The following PXDNL variants were observed in gnomAD, a reference collection of about 807,000 sequenced individuals.
PXDNL encodes the protein probable oxidoreductase PXDNL.
PXDNL carries 145 observed loss-of-function variants against 150.8 expected under a neutral mutation model. That is an observed-to-expected ratio of 0.96 (90% CI 0.84 to 1.10). The LOEUF (loss-of-function observed/expected upper bound fraction) is 1.10, where lower values mean the gene tolerates loss of function less well. PXDNL is among the 50% of genes least tolerant of loss of function. The pLI is 0.00. For missense variants in PXDNL, 2,087 were observed against 1,873.9 expected (o/e 1.11, Z -2.10); for synonymous variants, 757 against 725.7 (o/e 1.04, Z -0.69).
intron 4 of PXDNL, among the ~76,000 whole-genome samples, chr8:51,537,275 G>T (rs1174373616): frequency 6.6e-6 from 1 of 152,126 alleles, no homozygotes; most frequent in Non-Finnish European, 1.5e-5. Context: ...CATGCTGCAG[G>T]CTGGACACCC....
intron 1 of PXDNL, among the ~76,000 whole-genome samples, chr8:51,661,334 A>C (rs1379885962): frequency 6.6e-6 from 1 of 152,182 alleles, no homozygotes; most frequent in African/African-American, 2.4e-5. Context: ...TTAGGGATCA[A>C]CTTGGCTAGG....
intron 2 of PXDNL, among the ~76,000 whole-genome samples, chr8:51,606,956 C>CA (rs1317073349): frequency 6.6e-6 from 1 of 152,146 alleles, no homozygotes; most frequent in Non-Finnish European, 1.5e-5. Context: ...CAGTCTCCTA[C>CA]AAAATCTTTC....
intron 2 of PXDNL, among the ~76,000 whole-genome samples, chr8:51,644,028 T>A (rs1585643813): frequency 6.6e-6 from 1 of 151,276 alleles, no homozygotes; most frequent in African/African-American, 2.4e-5. Flanking sequence ...CACCTGTAGT[T>A]CCAGCTACTG....
intron 1 of PXDNL, among the ~76,000 whole-genome samples, chr8:51,750,923 G>T (rs977975968): frequency 6.6e-6 from 1 of 152,162 alleles, no homozygotes; most frequent in Admixed American, 6.5e-5. Context: ...TTTAGACAAA[G>T]AACTCTTCCC....
rs1811143811 is a variant in PXDNL, at chr8:51,499,750, A to G, written c.401T>C (p.Leu134Pro). 1.9e-6 allele frequency: 3 copies of G among 1,613,436 alleles called. No homozygotes were observed. In the East Asian group the frequency reaches 6.7e-5, roughly 36 times the overall value. ...AAAGGTCTCTGGCTGTAGCATTTCT[A>G]GTTGGTTGAAATGAATATACCTGGA... ...LEHLYIHFNQ[L>P]EMLQPETFGD... The change falls in exon 5 of 23, where the codon CTA becomes CCA. Residue 134 changes from leucine (L) to proline (P), a missense_variant. Physicochemically the swap from Leu to Pro is moderately conservative, Grantham distance 98. Coordinates refer to ENST00000356297, the MANE Select transcript of PXDNL (RefSeq NM_144651.5).
intron 1 of PXDNL, among the ~76,000 whole-genome samples, chr8:51,683,416 T>C (rs111269399): frequency 0.014 from 2,062 of 151,678 alleles, 29 homozygotes; most frequent in South Asian, 0.045. Flanking sequence ...AAAAATCAGA[T>C]TTTTGCTTCT....
chr8:51,561,545 A>G (rs1399891130), intron 3 of PXDNL, among the ~76,000 whole-genome samples: 1 of 151,968 alleles, frequency 6.6e-6, no homozygotes, highest in East Asian at 1.9e-4. Context: ...TTTTTTAAAA[A>G]AACGAAGGAA....
intron 19 of PXDNL, among the ~76,000 whole-genome samples, chr8:51,356,598 A>T (rs1806517914): frequency 6.6e-6 from 1 of 152,126 alleles, no homozygotes. Flanking sequence ...AAGTGATATA[A>T]AATATTAAAT....
intron 3 of PXDNL, among the ~76,000 whole-genome samples, chr8:51,582,163 A>G (rs1246077749): frequency 3.9e-5 from 6 of 152,166 alleles, no homozygotes; most frequent in Non-Finnish European, 1.5e-5. Flanking sequence ...CTTTTATAAA[A>G]TAGAGTTAAT....
chr8:51,372,636 C>T (rs966830643), intron 18 of PXDNL, among the ~76,000 whole-genome samples: 6 of 152,214 alleles, frequency 3.9e-5, no homozygotes, highest in Middle Eastern at 3.2e-3. Flanking sequence ...CTGCCCACCT[C>T]GGCCTCCCAA....
chr8:51,707,145 C>T (rs529164893), intron 1 of PXDNL, among the ~76,000 whole-genome samples: 2 of 152,170 alleles, frequency 1.3e-5, no homozygotes, highest in African/African-American at 2.4e-5. Flanking sequence ...TAGAACTGAG[C>T]ATCTCTGATA....
At chr8:51,650,909 G>A (rs1393914553) in intron 2 of PXDNL, among the ~76,000 whole-genome samples, 2 of 152,118 alleles carry the variant, frequency 1.3e-5, no homozygotes, top group Admixed American at 6.6e-5. Context: ...CTAATATCAC[G>A]TGCTGTCCCC....
chr8:51,735,589 C>T (rs1817021870), intron 1 of PXDNL, among the ~76,000 whole-genome samples: 1 of 126,978 alleles, frequency 7.9e-6, no homozygotes, highest in South Asian at 2.6e-4. Flanking sequence ...CTCTGTCGCC[C>T]AGGCTGGAGT....
chr8:51,442,296 A>C (rs1586110129), intron 12 of PXDNL, among the ~76,000 whole-genome samples: 1 of 149,278 alleles, frequency 6.7e-6, no homozygotes, highest in East Asian at 2.0e-4. Context: ...TTCAGTATCT[A>C]GTATGATTAG....
chr8:51,801,046 C>T (rs2037613665), intron 1 of PXDNL, among the ~76,000 whole-genome samples: 1 of 152,146 alleles, frequency 6.6e-6, no homozygotes, highest in African/African-American at 2.4e-5. Flanking sequence ...TTTCTTTTTG[C>T]AGAGAGCCTA....
chr8:51,343,303 C>T (rs1806044400), intron 20 of PXDNL, among the ~76,000 whole-genome samples: 1 of 152,108 alleles, frequency 6.6e-6, no homozygotes, highest in Non-Finnish European at 1.5e-5. Flanking sequence ...AATTTGACCT[C>T]CTCTGGTCTA....
chr8:51,638,051 A>C (rs1440976243), intron 2 of PXDNL, among the ~76,000 whole-genome samples: 6 of 152,238 alleles, frequency 3.9e-5, no homozygotes, highest in Non-Finnish European at 2.9e-5. Context: ...AATATTCAAC[A>C]TTCTTAAAGA....
chr8:51,421,008 T>C (rs1005130743), intron 14 of PXDNL, among the ~76,000 whole-genome samples: 21 of 152,328 alleles, frequency 1.4e-4, no homozygotes, highest in African/African-American at 4.6e-4. Flanking sequence ...ACTTTTAATA[T>C]GTATGTATAA....
chr8:51,696,196 G>T (rs1264357407), intron 1 of PXDNL, among the ~76,000 whole-genome samples: 1 of 152,164 alleles, frequency 6.6e-6, no homozygotes, highest in Non-Finnish European at 1.5e-5. Context: ...AAATTCTTAT[G>T]TTGAAGCCCT....
Sources: gnomAD v4.1 joint callset for allele counts (sites outside exome capture counted in the v4.1 genomes callset) on GRCh38, gnomAD v4.1.1 for gene constraint, MANE v1.5 for transcripts, NCBI Gene and HGNC (gene_info 2026-07-23, HGNC 2026-07-21) for gene names.